Variants in CTNNA2 observed in about 807,000 individuals in gnomAD.
CTNNA2 encodes catenin alpha-2.
CTNNA2 carries 42 observed loss-of-function variants against 101.0 expected under a neutral mutation model. The observed-to-expected ratio is 0.42, with a 90% confidence interval of 0.32 to 0.54. The LOEUF is 0.54. Ranked by LOEUF, CTNNA2 falls within the 20% of genes least tolerant of loss-of-function variation. The pLI, the probability that CTNNA2 is intolerant of heterozygous loss-of-function variation, is 0.14. For synonymous variants in CTNNA2, 450 were observed against 456.4 expected, an observed-to-expected ratio of 0.99 and a Z score of 0.18; for missense variants, 871 against 1,223.1, an observed-to-expected ratio of 0.71 and a Z score of 4.29.
intron 12 of CTNNA2, among the ~76,000 whole-genome samples, chr2:80,569,633 G>GT (rs70940088): frequency 0.017 from 890 of 51,672 alleles, 180 homozygotes; most frequent in East Asian, 0.023. Context: ...GGGTATTTAG[G>GT]TTTTTTTTTT....
intron 2 of CTNNA2, among the ~76,000 whole-genome samples, chr2:79,669,541 G>T (rs1682677475): frequency 6.6e-6 from 1 of 152,188 alleles, no homozygotes; most frequent in Non-Finnish European, 1.5e-5. Flanking sequence ...GGAGTGGGCA[G>T]CTCCGCTCTA....
At chr2:79,432,799 G>C (rs1678671649) in intron 4 of CTNNA2, among the ~76,000 whole-genome samples, 1 of 152,200 alleles carries the variant, frequency 6.6e-6, no homozygotes, top group Non-Finnish European at 1.5e-5. Context: ...GGCCAGCTCT[G>C]ATACTCACTC....
intron 1 of CTNNA2, among the ~76,000 whole-genome samples, chr2:79,610,173 A>T (rs990683101): frequency 5.9e-5 from 9 of 152,148 alleles, no homozygotes; most frequent in Non-Finnish European, 1.3e-4. Context: ...AAATAATTTC[A>T]GCATCATTGG....
intron 7 of CTNNA2, among the ~76,000 whole-genome samples, chr2:79,960,264 C>G (rs895709772): frequency 2.0e-5 from 3 of 152,170 alleles, no homozygotes; most frequent in African/African-American, 4.8e-5. Flanking sequence ...ATGAGTACAT[C>G]TCATACAATT....
At chr2:80,087,146 G>A (rs1699493385) in intron 7 of CTNNA2, among the ~76,000 whole-genome samples, 1 of 151,992 alleles carries the variant, frequency 6.6e-6, no homozygotes, top group Admixed American at 6.6e-5. Context: ...ACAGTGGGAA[G>A]GCATTTCACA....
intron 4 of CTNNA2, among the ~76,000 whole-genome samples, chr2:79,396,385 C>T (rs1048453552): frequency 6.6e-5 from 10 of 152,208 alleles, no homozygotes; most frequent in Admixed American, 6.5e-4. Flanking sequence ...TCTCGAACTC[C>T]TGACCTCAGG....
intron 7 of CTNNA2, among the ~76,000 whole-genome samples, chr2:79,953,018 G>A (rs2104501246): frequency 6.6e-6 from 1 of 152,304 alleles, no homozygotes; most frequent in East Asian, 1.9e-4. Flanking sequence ...ATGTAGCCCT[G>A]TGAAACTAAC....
chr2:79,863,160 T>G (rs1574161990), intron 4 of CTNNA2, among the ~76,000 whole-genome samples: 2 of 152,038 alleles, frequency 1.3e-5, no homozygotes, highest in South Asian at 4.2e-4. Context: ...CAAAAAAAAG[T>G]TCTACAATCT....
intron 4 of CTNNA2, among the ~76,000 whole-genome samples, chr2:79,503,457 A>G (rs1183278756): frequency 6.6e-6 from 1 of 152,188 alleles, no homozygotes; most frequent in African/African-American, 2.4e-5. Flanking sequence ...AGAACTTATT[A>G]CAAAGCAAAA....
intron 7 of CTNNA2, among the ~76,000 whole-genome samples, chr2:80,125,009 G>A (rs975524820): frequency 1.3e-5 from 2 of 152,164 alleles, no homozygotes; most frequent in South Asian, 4.1e-4. Flanking sequence ...TGATTTGCCA[G>A]CTTGGAAGAG....
At chr2:80,368,867 G>GTATATATATATATATA (rs1553505682) in intron 7 of CTNNA2, among the ~76,000 whole-genome samples, 1 of 144,734 alleles carries the variant, frequency 6.9e-6, no homozygotes, top group Non-Finnish European at 1.5e-5. Flanking sequence ...GTGTGTGTGT[G>GTATATATATATATATA]TATATATATA....
chr2:80,064,068 AG>A (rs1246374850), intron 7 of CTNNA2, among the ~76,000 whole-genome samples: 3 of 152,182 alleles, frequency 2.0e-5, no homozygotes, highest in Non-Finnish European at 4.4e-5. Flanking sequence ...AAAAGAGGAG[AG>A]GGAGAGGGAG....
At chr2:80,588,451 C>G (rs1429241006) in intron 14 of CTNNA2, among the ~76,000 whole-genome samples, 1 of 152,178 alleles carries the variant, frequency 6.6e-6, no homozygotes, top group Admixed American at 6.5e-5. Context: ...AATTTTTTTG[C>G]TGCTCTGCCC....
chr2:80,549,575 A>G (rs1692387219), intron 11 of CTNNA2, among the ~76,000 whole-genome samples: 2 of 152,230 alleles, frequency 1.3e-5, no homozygotes, highest in Non-Finnish European at 1.5e-5. Flanking sequence ...ACCACACTTG[A>G]TATTAGAGTG....
chr2:79,452,044 A>G (rs1289558930), intron 4 of CTNNA2, among the ~76,000 whole-genome samples: 1 of 152,144 alleles, frequency 6.6e-6, no homozygotes, highest in African/African-American at 2.4e-5. Flanking sequence ...CCAAGGAGGC[A>G]GTCTCACACT....
intron 2 of CTNNA2, among the ~76,000 whole-genome samples, chr2:79,305,130 G>A (rs1248939877): frequency 6.6e-6 from 1 of 151,608 alleles, no homozygotes; most frequent in East Asian, 1.9e-4. Flanking sequence ...CTAGTCATAG[G>A]GATTGAAGGG....
At chr2:79,233,216 T>C (rs1211414502) in intron 2 of CTNNA2, among the ~76,000 whole-genome samples, 1 of 152,310 alleles carries the variant, frequency 6.6e-6, no homozygotes, top group South Asian at 2.1e-4. Flanking sequence ...CCTTTTAACA[T>C]TGTTTTAGCT....
chr2:80,161,277 A>G (rs2862021), intron 7 of CTNNA2, among the ~76,000 whole-genome samples: 39,077 of 152,034 alleles, frequency 0.26, 7,724 homozygotes, highest in African/African-American at 0.55. Context: ...CAGCCTCCCA[A>G]AGTGCTGGGA....
chr2:80,579,900 C>T (rs965665561), intron 13 of CTNNA2, among the ~76,000 whole-genome samples: 1 of 152,232 alleles, frequency 6.6e-6, no homozygotes, highest in Non-Finnish European at 1.5e-5. Context: ...GCAACTACAT[C>T]ATCGGTATTC....
Sources: gnomAD v4.1 joint callset for allele counts (sites outside exome capture counted in the v4.1 genomes callset) on GRCh38, gnomAD v4.1.1 for gene constraint, MANE v1.5 for transcripts, NCBI Gene and HGNC (gene_info 2026-07-23, HGNC 2026-07-21) for gene names.